VDAC2: variants seen among roughly 807,000 people sequenced by gnomAD.
The protein encoded by VDAC2 is voltage dependent anion channel 2.
VDAC2 carries 6 observed loss-of-function variants against 36.6 expected under a neutral mutation model. The ratio of observed to expected loss-of-function variants is 0.16; its 90% CI spans 0.09 to 0.32. VDAC2 has a LOEUF of 0.32. Ranked by LOEUF, VDAC2 falls within the 10% of genes least tolerant of loss-of-function variation. The pLI is 1.00. For missense variants in VDAC2, 247 were observed against 346.0 expected (o/e 0.71, Z 2.27); for synonymous variants, 109 against 123.8 (o/e 0.88, Z 0.79).
At chr10:75,210,435 T>C (rs1054617497), upstream of VDAC2, among the ~76,000 whole-genome samples, 10 of 152,198 alleles carry the variant, frequency 6.6e-5, no homozygotes, top group Non-Finnish European at 1.2e-4. Flanking sequence ...AGGAGAGATC[T>C]ACGTGACCCT....
intron 3 of VDAC2, among the ~76,000 whole-genome samples, 192 bp downstream of exon 3, chr10:75,212,490 C>G (rs143740066): frequency 1.4e-3 from 208 of 152,272 alleles, no homozygotes; most frequent in African/African-American, 4.7e-3. Context: ...TACCTCACTG[C>G]AGCCTGGACC....
intron 4 of VDAC2, among the ~76,000 whole-genome samples, chr10:75,216,111 T>C (rs955163680): frequency 4.6e-5 from 7 of 152,222 alleles, no homozygotes; most frequent in African/African-American, 1.7e-4. Flanking sequence ...TTAGTTATGA[T>C]TGGATGACTT....
At position 75,219,094 on chromosome 10, in the gene VDAC2, A is replaced by G. The variant is rs1841712862; in HGVS notation, c.182A>G (p.Asp61Gly). ...EFSTSGSSNT[D>G]TGKVTGTLET... ...TCAACGTCCGGTTCATCTAATACAG[A>G]CACTGGTAAAGTTACTGGGACCTTG... The change falls in exon 5 of 10, where the codon GAC (aspartate) becomes GGC (glycine). Residue 61 changes from aspartate to glycine, a missense_variant. Physicochemically the swap from Asp to Gly is moderately conservative, Grantham distance 94 (BLOSUM62 -1). Around this residue, in one of 3 missense-constraint regions of VDAC2, gnomAD observed 76 missense variants for 76.9 expected, o/e 0.99. Coordinates refer to ENST00000332211, the MANE Select transcript of VDAC2 (RefSeq NM_001391963.1). The G allele has an allele frequency of 2.5e-6, 4 of 1,610,730 alleles. No individual in the cohort carries two copies. In the East Asian group the frequency reaches 8.9e-5, roughly 36 times the overall value.
chr10:75,220,769 C>A lies in VDAC2; in HGVS notation c.383C>A (p.Ser128Tyr). The A allele has an allele frequency of 6.2e-7, 1 of 1,610,270 alleles. No individual in the cohort carries two copies. Among genetic ancestry groups the A allele is most frequent in the Non-Finnish European group, 8.5e-7 (1 of 1,178,518 alleles). Reference protein sequence around the residue: ...TGKKSGKIKSSYKRECINLGC... With the variant: ...TGKKSGKIKSYYKRECINLGC... ...AAGAAAAGTGGTAAAATCAAGTCTTCTTACAAGAGGGAGTGTATAAACCTT... is the reference window on the plus strand; with the variant it reads ...AAGAAAAGTGGTAAAATCAAGTCTTATTACAAGAGGGAGTGTATAAACCTT... Residue 128 changes from serine to tyrosine, a missense_variant, in exon 7 of 10, where the codon TCT becomes TAT. Transcript: ENST00000332211.
At chr10:75,222,127 A>T (rs1841831295) in intron 7 of VDAC2, 125 bp from the exon 8 acceptor site, 1 of 1,038,066 alleles carries the variant, frequency 9.6e-7, no homozygotes, top group Non-Finnish European at 1.4e-6. Flanking sequence ...GCAAGTTTTC[A>T]GTGGAACACT....
chr10:75,210,381 G>C (rs1841359116), upstream of VDAC2, among the ~76,000 whole-genome samples: 1 of 152,202 alleles, frequency 6.6e-6, no homozygotes, highest in Non-Finnish European at 1.5e-5. Flanking sequence ...CCCTATGCAG[G>C]GCTTTGTTTC....
intron 4 of VDAC2, among the ~76,000 whole-genome samples, chr10:75,215,284 T>G (rs1025924914): frequency 6.6e-6 from 1 of 152,004 alleles, no homozygotes; most frequent in Non-Finnish European, 1.5e-5. Flanking sequence ...TAGGGGTGGG[T>G]GTGTGTGCAC....
At chr10:75,227,761 A>C (rs1841999888) in intron 8 of VDAC2, among the ~76,000 whole-genome samples, 1 of 150,318 alleles carries the variant, frequency 6.7e-6, no homozygotes, top group African/African-American at 2.5e-5. Flanking sequence ...TAATTTTTGT[A>C]GTTTTAGTAG....
chr10:75,210,865 C>T lies in VDAC2; in HGVS notation c.-99C>T. The T allele has an allele frequency of 2.9e-6, 1 of 347,812 alleles. No homozygotes were observed. The highest frequency in any genetic ancestry group is 5.2e-6 in the Non-Finnish European group (1 of 192,480). The allele number at this position is 347,812 out of a possible 1,614,324, so 21.5% of individuals were successfully genotyped here. ...GCCCTCCAGCTGCTGGAGCTGCAGC[C>T]CGACCGCGAGCGTGCCAAGCGGCTT... is the stretch of plus-strand genomic sequence containing the variant. On this transcript the variant is annotated 5_prime_UTR_variant, in exon 1 of 10. Transcript: ENST00000332211.
At chr10:75,223,290 T>C (rs1406609614) in intron 8 of VDAC2, among the ~76,000 whole-genome samples, 1 of 152,214 alleles carries the variant, frequency 6.6e-6, no homozygotes, top group Non-Finnish European at 1.5e-5. Flanking sequence ...CTTCTCCATT[T>C]CTAATTGCAC....
In VDAC2 at chr10:75,215,528, A is replaced by G. The variant is rs1001444172; in HGVS notation, c.150+1458A>G. Among the ~76,000 whole-genome samples the G allele has an allele frequency of 8.0e-5, 12 of 150,808 alleles. No homozygotes were observed. The South Asian group carries it at 2.3e-3, about 29-fold the overall frequency. On this transcript the variant is annotated intron_variant, in intron 4 of 9. Transcript: ENST00000332211. Reference sequence around the variant, plus strand: ...CACCACGCCCAGCTAATTTTTTTGTATTTTTAGTAGAGATGGGGTTTCACC... The same window carrying G: ...CACCACGCCCAGCTAATTTTTTTGTGTTTTTAGTAGAGATGGGGTTTCACC...
chr10:75,211,395 C>A, intron 2 of VDAC2: 1 of 1,432,390 alleles, frequency 7.0e-7, no homozygotes, highest in Non-Finnish European at 9.3e-7. Flanking sequence ...GGGAGTTGGT[C>A]TGTGGCCGCA....
chr10:75,224,006 A>G (rs1178839380), intron 8 of VDAC2, among the ~76,000 whole-genome samples: 2 of 152,210 alleles, frequency 1.3e-5, no homozygotes, highest in East Asian at 1.9e-4. Flanking sequence ...TAAAACTGGT[A>G]AATGTAAATA....
chr10:75,223,967 T>TC (rs1336644594), intron 8 of VDAC2, among the ~76,000 whole-genome samples: 1 of 152,240 alleles, frequency 6.6e-6, no homozygotes, highest in Non-Finnish European at 1.5e-5. Flanking sequence ...GTACATCTCT[T>TC]CATCTGTATC....
intron 8 of VDAC2, among the ~76,000 whole-genome samples, chr10:75,222,868 G>A (rs536344514): frequency 2.3e-4 from 35 of 151,746 alleles, no homozygotes; most frequent in Non-Finnish European, 4.6e-4. Context: ...ATCTCCATAT[G>A]TTGCCCATCC....
At chr10:75,212,587 T>A (rs1841459840) in intron 3 of VDAC2, among the ~76,000 whole-genome samples, 1 of 152,040 alleles carries the variant, frequency 6.6e-6, no homozygotes, top group African/African-American at 2.4e-5. Context: ...CCTGGCTAAT[T>A]TTTTTTATTT....
intron 7 of VDAC2, among the ~76,000 whole-genome samples, chr10:75,221,395 C>T (rs180925895): frequency 6.6e-6 from 1 of 151,824 alleles, no homozygotes; most frequent in East Asian, 1.9e-4. Flanking sequence ...TGCTCTTTTG[C>T]GATCTCGGCT....
intron 4 of VDAC2, chr10:75,218,070 A>G: frequency 3.9e-6 from 2 of 511,898 alleles, no homozygotes; most frequent in Non-Finnish European, 6.4e-6. Flanking sequence ...CTTGGGTGAC[A>G]GAGGCAAGAT....
At chr10:75,211,237 G>C in intron 2 of VDAC2, 48 bp downstream of exon 2, 1 of 1,603,006 alleles carries the variant, frequency 6.2e-7, no homozygotes, top group Non-Finnish European at 8.5e-7. Context: ...GAGAGTCGAA[G>C]CCTGTCGACC....
Sources: allele counts gnomAD v4.1 joint callset (sites outside exome capture counted in the v4.1 genomes callset), GRCh38; gene constraint gnomAD v4.1.1; regional missense constraint gnomAD v4.1.1; transcripts MANE v1.5; gene names NCBI Gene and HGNC (gene_info 2026-07-23, HGNC 2026-07-21).